CDH13: variants seen among roughly 807,000 people sequenced by gnomAD.
CDH13 encodes the protein cadherin 13, also known as cadherin-13.
In CDH13, 24 loss-of-function variants were observed where a neutral mutation model predicts 63.8. The ratio of observed to expected loss-of-function variants is 0.38; its 90% CI spans 0.27 to 0.53. CDH13 has a LOEUF of 0.53. Among genes scored for constraint, CDH13 ranks in the 20% least tolerant of loss-of-function variants. CDH13 has a pLI of 0.85. For missense variants in CDH13, 1,049 were observed against 903.1 expected (o/e 1.16, Z -2.07); for synonymous variants, 503 against 355.3 (o/e 1.42, Z -4.67).
intron 1 of CDH13, among the ~76,000 whole-genome samples, chr16:82,778,157 C>A (rs116582485): frequency 6.6e-6 from 1 of 152,282 alleles, no homozygotes; most frequent in East Asian, 1.9e-4. Context: ...ATTATTTTAA[C>A]GCAAAATGAT....
At chr16:83,088,227 C>CA (rs1469575798) in intron 3 of CDH13, among the ~76,000 whole-genome samples, 1 of 152,146 alleles carries the variant, frequency 6.6e-6, no homozygotes, top group Non-Finnish European at 1.5e-5. Context: ...TCAACTCTGA[C>CA]ATGTTATTTC....
chr16:83,396,108 T>C (rs1346950639), intron 6 of CDH13, among the ~76,000 whole-genome samples: 4 of 152,204 alleles, frequency 2.6e-5, no homozygotes, highest in Non-Finnish European at 4.4e-5. Context: ...TCCATGTCTC[T>C]GCAAAGGACA....
At chr16:82,651,235 A>G (rs1005545412) in intron 1 of CDH13, among the ~76,000 whole-genome samples, 45 of 152,210 alleles carry the variant, frequency 3.0e-4, no homozygotes, top group African/African-American at 9.7e-4. Flanking sequence ...AGCACTGTCT[A>G]CATATCAGGC....
chr16:83,333,250 G>T (rs577611768), intron 5 of CDH13, among the ~76,000 whole-genome samples: 2 of 152,122 alleles, frequency 1.3e-5, no homozygotes, highest in South Asian at 2.1e-4. Context: ...AGTTGTTGGC[G>T]TCAGAGAGAA....
At chr16:83,023,281 C>T (rs999454665) in intron 2 of CDH13, among the ~76,000 whole-genome samples, 1 of 151,168 alleles carries the variant, frequency 6.6e-6, no homozygotes, top group African/African-American at 2.4e-5. Context: ...CAATTTCCCC[C>T]AGGTGGGGTG....
At chr16:83,039,429 C>G (rs1026644410) in intron 3 of CDH13, among the ~76,000 whole-genome samples, 4 of 152,214 alleles carry the variant, frequency 2.6e-5, no homozygotes, top group Non-Finnish European at 5.9e-5. Flanking sequence ...ACCCTCGCCT[C>G]TTGTCCCCAT....
At chr16:83,163,229 T>C (rs2037520591) in intron 4 of CDH13, among the ~76,000 whole-genome samples, 1 of 152,106 alleles carries the variant, frequency 6.6e-6, no homozygotes, top group South Asian at 2.1e-4. Flanking sequence ...TTTATTTTTG[T>C]AAATTGCCCA....
intron 6 of CDH13, among the ~76,000 whole-genome samples, chr16:83,393,832 C>G (rs550488311): frequency 6.6e-6 from 1 of 152,226 alleles, no homozygotes; most frequent in South Asian, 2.1e-4. Context: ...TGGAGGGAGA[C>G]ACACAGTAAA....
At chr16:82,896,521 C>G (rs534404337) in intron 2 of CDH13, among the ~76,000 whole-genome samples, 112 of 151,710 alleles carry the variant, frequency 7.4e-4, no homozygotes, top group Non-Finnish European at 1.4e-3. Flanking sequence ...GTCTCAAACT[C>G]CTGGGCTCAA....
At chr16:83,435,117 G>T (rs764805755) in intron 6 of CDH13, among the ~76,000 whole-genome samples, 2 of 151,498 alleles carry the variant, frequency 1.3e-5, no homozygotes, top group Admixed American at 6.6e-5. Context: ...CACAATCTCG[G>T]CTTACTGCAA....
At chr16:82,805,700 A>C (rs1279312432) in intron 1 of CDH13, among the ~76,000 whole-genome samples, 1 of 152,162 alleles carries the variant, frequency 6.6e-6, no homozygotes, top group Non-Finnish European at 1.5e-5. Flanking sequence ...CCCTTCTCAT[A>C]GTCTGGTGAT....
At chr16:83,321,185 A>G (rs1415207451) in intron 5 of CDH13, among the ~76,000 whole-genome samples, 2 of 152,232 alleles carry the variant, frequency 1.3e-5, no homozygotes, top group Non-Finnish European at 2.9e-5. Flanking sequence ...ACAGACATCA[A>G]TCTCTTGTGA....
rs545898115 is a variant in CDH13, at chr16:83,451,997, G to A, written c.782-34480G>A. On this transcript the variant is annotated intron_variant, in intron 6 of 13. Coordinates refer to ENST00000567109, the MANE Select transcript of CDH13 (RefSeq NM_001257.5). ...CTTTGCTTTTCCTGTGGACCCATGAGTGTCAGGACTGATATTTCTGATTTT... is the reference window on the plus strand; with the variant it reads ...CTTTGCTTTTCCTGTGGACCCATGAATGTCAGGACTGATATTTCTGATTTT... 3.3e-5 allele frequency among the ~76,000 whole-genome samples: 5 copies of A among 152,256 alleles called. No homozygotes were observed. The South Asian group carries it at 1.0e-3, about 32-fold the overall frequency.
intron 3 of CDH13, among the ~76,000 whole-genome samples, chr16:83,035,159 C>T (rs570507711): frequency 6.6e-6 from 1 of 152,222 alleles, no homozygotes; most frequent in African/African-American, 2.4e-5. Flanking sequence ...CTGAAGAGAG[C>T]ACATACCTCA....
At chr16:82,772,522 G>GA (rs1567517998) in intron 1 of CDH13, among the ~76,000 whole-genome samples, 2 of 152,200 alleles carry the variant, frequency 1.3e-5, no homozygotes, top group African/African-American at 4.8e-5. Flanking sequence ...CTCTCAACCT[G>GA]AGGTGGCCTG....
intron 5 of CDH13, among the ~76,000 whole-genome samples, chr16:83,245,510 G>A (rs992035940): frequency 1.5e-4 from 23 of 152,164 alleles, no homozygotes; most frequent in South Asian, 1.5e-3. Context: ...AGTAAAACCC[G>A]AGAACTCCAT....
intron 6 of CDH13, among the ~76,000 whole-genome samples, chr16:83,395,070 C>A (rs1007425850): frequency 6.6e-6 from 1 of 151,408 alleles, no homozygotes; most frequent in Non-Finnish European, 1.5e-5. Flanking sequence ...ATTGCCTGAA[C>A]CCAGGAGGCA....
At chr16:82,649,509 G>T (rs764898142) in intron 1 of CDH13, among the ~76,000 whole-genome samples, 6 of 152,198 alleles carry the variant, frequency 3.9e-5, no homozygotes, top group Non-Finnish European at 7.3e-5. Context: ...GGTCCTCTTT[G>T]AGAAGGTCCT....
chr16:82,750,008 A>C (rs2034343616), intron 1 of CDH13, among the ~76,000 whole-genome samples: 1 of 152,164 alleles, frequency 6.6e-6, no homozygotes, highest in Non-Finnish European at 1.5e-5. Context: ...GGTGGGGCCA[A>C]AGATCAGATT....
Sources: gnomAD v4.1 joint callset for allele counts (sites outside exome capture counted in the v4.1 genomes callset) on GRCh38, gnomAD v4.1.1 for gene constraint, MANE v1.5 for transcripts, NCBI Gene and HGNC (gene_info 2026-07-23, HGNC 2026-07-21) for gene names.